Variants in SMOC2 observed in about 807,000 individuals in gnomAD.
SMOC2 encodes SPARC related modular calcium binding 2.
Under a neutral mutation model 61.4 loss-of-function variants are expected in SMOC2, and 39 were observed. The observed-to-expected ratio is 0.64, with a 90% CI of 0.49 to 0.83. SMOC2 has a LOEUF of 0.83. Among genes scored for constraint, SMOC2 ranks in the 40% least tolerant of loss-of-function variants. The probability of loss-of-function intolerance (pLI) is 0.00; values close to 1 mark genes in which losing one functional copy is unlikely to be tolerated. For synonymous variants in SMOC2, 247 were observed against 239.9 expected (o/e 1.03, Z -0.27); for missense variants, 556 against 592.9 (o/e 0.94, Z 0.65).
intron 1 of SMOC2, among the ~76,000 whole-genome samples, chr6:168,458,588 G>A (rs1016999671): frequency 1.3e-5 from 2 of 152,140 alleles, no homozygotes; most frequent in Non-Finnish European, 2.9e-5. Context: ...TGCCTTCATT[G>A]CTAAGGAATG....
chr6:168,547,778 C>T (rs1049725150), intron 6 of SMOC2, among the ~76,000 whole-genome samples: 6 of 151,856 alleles, frequency 4.0e-5, no homozygotes, highest in African/African-American at 1.5e-4. Context: ...TGGCCGTGTC[C>T]AGCCTTATGA....
At chr6:168,644,766 C>T (rs957642426) in intron 9 of SMOC2, among the ~76,000 whole-genome samples, 1 of 150,682 alleles carries the variant, frequency 6.6e-6, no homozygotes, top group South Asian at 2.1e-4. Context: ...TCTCACACCT[C>T]AGCCTCCCAA....
intron 7 of SMOC2, among the ~76,000 whole-genome samples, chr6:168,555,185 C>T (rs1377745666): frequency 6.6e-6 from 1 of 152,214 alleles, no homozygotes; most frequent in South Asian, 2.1e-4. Flanking sequence ...ATGTCTCCAC[C>T]GGGCCTGCAA....
At position 168,453,590 on chromosome 6, in the gene SMOC2, CTCTT is replaced by C. The variant is rs202046713; in HGVS notation, c.84+12140_84+12143del. Among the ~76,000 whole-genome samples, 1,492 of 151,782 alleles carry C rather than the reference CTCTT, an allele frequency of 9.8e-3. 6 individuals are homozygous for C. The highest frequency in any genetic ancestry group is 0.015 in the Non-Finnish European group (991 of 67,944). ...TCTCAGTCTCTGCCATTTGCTCTCT[CTCTT>C]TCTGTCTGTCTCTGTTTCTTCCTGT... On this transcript the variant is annotated intron_variant, in intron 1 of 12. Transcript: ENST00000356284. This position sits in a 1 kb window ranked among gnomAD's most constrained non-coding sequence, Gnocchi z 4.4.
At chr6:168,516,058 A>G (rs1783126621) in intron 2 of SMOC2, among the ~76,000 whole-genome samples, 2 of 152,018 alleles carry the variant, frequency 1.3e-5, no homozygotes, top group African/African-American at 4.8e-5. Context: ...TTTTGGGGGC[A>G]TTTTTACATT....
At chr6:168,481,199 T>A (rs1023192129) in intron 1 of SMOC2, among the ~76,000 whole-genome samples, 1 of 152,148 alleles carries the variant, frequency 6.6e-6, no homozygotes, top group African/African-American at 2.4e-5. Flanking sequence ...CATTGTAACA[T>A]GGTTTAAAAC....
intron 9 of SMOC2, 104 bp downstream of exon 9, chr6:168,608,343 G>T: frequency 1.5e-6 from 2 of 1,319,652 alleles, no homozygotes; most frequent in Non-Finnish European, 1.1e-6. Flanking sequence ...TTCCCAGGGG[G>T]CCTGTCTGAC....
intron 9 of SMOC2, among the ~76,000 whole-genome samples, chr6:168,634,920 T>C (rs1270950802): frequency 6.6e-6 from 1 of 152,218 alleles, no homozygotes; most frequent in Non-Finnish European, 1.5e-5. Flanking sequence ...ATGGGCTATA[T>C]TATATTTGGC....
chr6:168,615,012 T>G (rs138208644), intron 9 of SMOC2, among the ~76,000 whole-genome samples: 6 of 14,516 alleles, frequency 4.1e-4, no homozygotes, highest in Admixed American at 1.0e-3. Context: ...GGCCTCTTCA[T>G]ACCTACAGCC....
chr6:168,589,670 T>G (rs112393035), intron 7 of SMOC2, among the ~76,000 whole-genome samples: 10 of 137,246 alleles, frequency 7.3e-5, no homozygotes, highest in South Asian at 2.5e-4. Context: ...GGTGTGGCAT[T>G]AGTTTAGGGG....
rs201071152 is a variant in SMOC2 at position 168,555,035 on chromosome 6, TC to T, written c.637+5833del. On this transcript the variant is annotated intron_variant, in intron 7 of 12. Transcript: ENST00000356284. Reference sequence around the variant, plus strand: ...TCCTGATAAAGGGGGAAAGTGGATTTCGCCAAGTGGGCCTGACTGGTCCCAG... The same window carrying T: ...TCCTGATAAAGGGGGAAAGTGGATTTGCCAAGTGGGCCTGACTGGTCCCAG... Among the ~76,000 whole-genome samples, 553 of 152,342 alleles carry T rather than the reference TC, an allele frequency of 3.6e-3. 3 individuals carry two copies. Among genetic ancestry groups the T allele is most frequent in the African/African-American group, 0.012 (506 of 41,584 alleles).
intron 9 of SMOC2, among the ~76,000 whole-genome samples, chr6:168,633,591 C>G (rs1786628873): frequency 6.6e-6 from 1 of 152,148 alleles, no homozygotes; most frequent in Non-Finnish European, 1.5e-5. Context: ...GAAGCTGTCA[C>G]AATACAATGC....
intron 7 of SMOC2, among the ~76,000 whole-genome samples, chr6:168,587,295 T>C (rs1167776694): frequency 6.6e-6 from 1 of 152,222 alleles, no homozygotes; most frequent in Admixed American, 6.5e-5. Flanking sequence ...TTGACACTGT[T>C]GTGAACCCAA....
At position 168,653,083 on chromosome 6, in the gene SMOC2, C is replaced by CA. The variant is rs1413298097; in HGVS notation, c.1146dup (p.Ser383IlefsTer12). On this transcript the variant is annotated frameshift_variant, in exon 11 of 13. Transcript: ENST00000356284. LOFTEE classifies it high-confidence loss of function. ...TCAAACCCTTCAAGAGGTTCCTTCG[C>CA]AAAAAATCAAAGCCCAAAAAATGTG... 1.9e-6 allele frequency: 3 copies of CA among 1,614,052 alleles called. No homozygotes were observed. Among genetic ancestry groups the CA allele is most frequent in the South Asian group, 2.2e-5 (2 of 91,072 alleles).
rs560190048 is a variant in SMOC2, at chr6:168,648,077, A to T, written c.908-2604A>T. Among the ~76,000 whole-genome samples the T allele has an allele frequency of 8.6e-5, 13 of 152,012 alleles. No individual in the cohort carries two copies. In the East Asian group the frequency reaches 2.5e-3, roughly 29 times the overall value. On this transcript the variant is annotated intron_variant, in intron 9 of 12. Coordinates refer to ENST00000356284, the MANE Select transcript of SMOC2 (RefSeq NM_001166412.2). The stretch of plus-strand genomic sequence containing the variant: ...ATGATTAAATTAACAGCCAAAAAAA[A>T]TCCCCCTGGGTGTGTCCCTATTACC...
rs533621580 is a variant in SMOC2 at position 168,471,069 on chromosome 6, TACAC to T, written c.84+29621_84+29624del. Among the ~76,000 whole-genome samples the T allele has an allele frequency of 1.8e-3, 273 of 152,342 alleles. 2 individuals carry two copies. The highest frequency in any genetic ancestry group is 6.2e-3 in the African/African-American group (257 of 41,580). On this transcript the variant is annotated intron_variant, in intron 1 of 12. Transcript: ENST00000356284. ...TGAAACATTTTTAATTGAAGTAAAA[TACAC>T]ACACAGTTTATCATCTTAACCATTT...
rs1562386596 is a variant in SMOC2 at position 168,618,740 on chromosome 6, CAGG to C, written c.907+10503_907+10505del. ...GATGCAGACAGGAAGACGGTGCGCTCAGGACATCAGTAGCCCAGCTTAGGCGAT... is the reference window on the plus strand; with the variant it reads ...GATGCAGACAGGAAGACGGTGCGCTCACATCAGTAGCCCAGCTTAGGCGAT... On this transcript the variant is annotated intron_variant, in intron 9 of 12. Coordinates refer to ENST00000356284, the MANE Select transcript of SMOC2 (RefSeq NM_001166412.2). Among the ~76,000 whole-genome samples, 5 of 152,238 alleles carry C rather than the reference CAGG, an allele frequency of 3.3e-5. No individual in the cohort carries two copies. The East Asian group carries it at 9.7e-4, about 29-fold the overall frequency.
intron 4 of SMOC2, among the ~76,000 whole-genome samples, chr6:168,532,349 G>A (rs191734689): frequency 3.9e-5 from 6 of 152,284 alleles, no homozygotes; most frequent in East Asian, 1.9e-4. Context: ...CCAGCTCCAC[G>A]TGTCTCCTGA....
At chr6:168,532,487 G>T (rs1783632792) in intron 4 of SMOC2, among the ~76,000 whole-genome samples, 1 of 151,960 alleles carries the variant, frequency 6.6e-6, no homozygotes, top group South Asian at 2.1e-4. Context: ...AGGATTAGAG[G>T]TTGAAAACAA....
Sources: gnomAD v4.1 joint callset for allele counts (sites outside exome capture counted in the v4.1 genomes callset) on GRCh38, gnomAD v4.1.1 for gene constraint, Gnocchi (gnomAD v3.1) non-coding constraint, MANE v1.5 for transcripts, NCBI Gene and HGNC (gene_info 2026-07-23, HGNC 2026-07-21) for gene names.